The following LTV1 variants were observed in gnomAD, a reference collection of about 807,000 sequenced individuals.
The protein encoded by LTV1 is protein LTV1 homolog.
Under a neutral mutation model 59.9 loss-of-function variants are expected in LTV1, and 39 were observed. The ratio of observed to expected loss-of-function variants is 0.65; its 90% CI spans 0.50 to 0.85. The LOEUF (loss-of-function observed/expected upper bound fraction) is 0.85. Ranked by LOEUF, LTV1 falls within the 40% of genes least tolerant of loss-of-function variation. LTV1 has a pLI of 0.00. For synonymous variants in LTV1, 171 were observed against 189.5 expected (o/e 0.90, Z 0.80); for missense variants, 493 against 549.1 (o/e 0.90, Z 1.02).
chr6:143,850,341 G>C, intron 4 of LTV1, 123 bp downstream of exon 4: 1 of 671,860 alleles, frequency 1.5e-6, no homozygotes, highest in East Asian at 2.7e-5. Context: ...CTGGAATTCA[G>C]ATCAGGGATT....
Position 143,860,234 on chromosome 6 carries a change from T to TA in LTV1, c.796-189dup, listed in dbSNP as rs1387339158. Among the ~76,000 whole-genome samples the TA allele has an allele frequency of 3.3e-5, 5 of 152,228 alleles. No individual in the cohort carries two copies. The East Asian group carries it at 9.6e-4, about 29-fold the overall frequency. ...CTATTTTTAGGCTAAATGTAAGTCT[T>TA]AAAGTACTGAGCAGAAATATCTTCC... On this transcript the variant is annotated intron_variant, in intron 6 of 10. Transcript: ENST00000367576.
chr6:143,844,880 G>C (rs1776865178), intron 2 of LTV1, among the ~76,000 whole-genome samples: 1 of 152,136 alleles, frequency 6.6e-6, no homozygotes, highest in South Asian at 2.1e-4. Context: ...TAATCTATAA[G>C]TTAATTTTCA....
At position 143,857,590 on chromosome 6, in the gene LTV1, T is replaced by G; in HGVS notation, c.539+146T>G. The G allele has an allele frequency of 9.2e-7, 1 of 1,086,796 alleles. No individual in the cohort carries two copies. Among genetic ancestry groups the G allele is most frequent in the Non-Finnish European group, 1.4e-6 (1 of 738,696 alleles). The allele number at this position is 1,086,796 out of a possible 1,614,324, so 67.3% of individuals were successfully genotyped here. A position where few individuals can be genotyped will look rare whatever the true frequency, so the allele number is the denominator to read the frequency against. ...GTATTTTAGAGCAGAAAATGTGAGA[T>G]TCATTGCTTTTCCTACCAAACCAGA... is the stretch of plus-strand genomic sequence containing the variant. On this transcript the variant is annotated intron_variant, in intron 5 of 10. Transcript: ENST00000367576. The surrounding 1 kb of genome is among the most constrained non-coding windows in gnomAD (Gnocchi z 5.2).
chr6:143,852,768 A>G (rs538954159), intron 4 of LTV1, among the ~76,000 whole-genome samples: 160 of 152,152 alleles, frequency 1.1e-3, no homozygotes, highest in African/African-American at 3.7e-3. Flanking sequence ...AAGGGGTCCA[A>G]TTTCAGTTTT....
intron 6 of LTV1, among the ~76,000 whole-genome samples, chr6:143,859,820 T>C (rs1777133841): frequency 6.6e-6 from 1 of 152,072 alleles, no homozygotes; most frequent in Admixed American, 6.5e-5. Context: ...AAAATATCTT[T>C]AGTCTAGGCG....
At chr6:143,856,192 A>T (rs530490427) in intron 4 of LTV1, among the ~76,000 whole-genome samples, 5 of 152,126 alleles carry the variant, frequency 3.3e-5, no homozygotes, top group Admixed American at 6.5e-5. Flanking sequence ...TTGATCTTCA[A>T]TCGCTGATGT....
chr6:143,858,005 A>G lies in LTV1; in HGVS notation c.793A>G (p.Lys265Glu). Residue 265 changes from lysine (K) to glutamate (E), a missense_variant and splice_region_variant, in exon 6 of 11, where the codon AAG becomes GAG. Physicochemically the swap from Lys to Glu is moderately conservative, Grantham distance 56. Transcript: ENST00000367576. ...GACCCTACATGATGAGAGGTTTGAG[A>G]AGGTAAGGTCCCCACATAAGGGATG... ...QLTLHDERFE[K>E]FYEQYDDDEI... is the part of the protein sequence containing the mutation. 5 of 1,614,020 alleles carry G rather than the reference A, an allele frequency of 3.1e-6. No homozygotes were observed. The highest frequency in any genetic ancestry group is 4.2e-6 in the Non-Finnish European group (5 of 1,179,998).
chr6:143,844,386 T>C, intron 1 of LTV1, 100 bp from the exon 2 acceptor site: 2 of 1,297,696 alleles, frequency 1.5e-6, no homozygotes, highest in Non-Finnish European at 2.2e-6. Context: ...TTAAAAAGTA[T>C]CTTTAACATG....
In LTV1 at chr6:143,857,902, G is replaced by C; in HGVS notation, c.690G>C (p.Leu230Phe). 2 of 1,614,110 alleles carry C rather than the reference G, an allele frequency of 1.2e-6. No individual in the cohort carries two copies. Among genetic ancestry groups the C allele is most frequent in the East Asian group, 2.2e-5 (1 of 44,866 alleles). The change falls in exon 6 of 11, where the codon TTG (leucine) becomes TTC (phenylalanine). Residue 230 changes from leucine to phenylalanine, a missense_variant. Coordinates refer to ENST00000367576, the MANE Select transcript of LTV1 (RefSeq NM_032860.5). This position sits in a 1 kb window ranked among gnomAD's most constrained non-coding sequence, Gnocchi z 5.2. ...GKTHRAIADH[L>F]FWSEETKSRF... ...CTCACAGAGCTATAGCAGATCACTT[G>C]TTCTGGAGTGAGGAAACAAAGAGTC...
chr6:143,857,631 C>CA lies in LTV1; in HGVS notation c.540-120dup. The CA allele has an allele frequency of 8.4e-7, 1 of 1,185,990 alleles. No homozygotes were observed. The highest frequency in any genetic ancestry group is 2.0e-5 in the Admixed American group (1 of 50,300). The allele number at this position is 1,185,990 out of a possible 1,614,324, so 73.5% of individuals were successfully genotyped here. A position where few individuals can be genotyped will look rare whatever the true frequency, so the allele number is the denominator to read the frequency against. On this transcript the variant is annotated intron_variant, in intron 5 of 10. Coordinates refer to ENST00000367576, the MANE Select transcript of LTV1 (RefSeq NM_032860.5). This position sits in a 1 kb window ranked among gnomAD's most constrained non-coding sequence, Gnocchi z 5.2. ...CCAAACCAGATTGATCAAACACCCT[C>CA]ACTCTTCCTGCCTAGACAAGAACCC...
chr6:143,846,593 T>A (rs1776894941), intron 3 of LTV1, among the ~76,000 whole-genome samples: 1 of 152,238 alleles, frequency 6.6e-6, no homozygotes, highest in Non-Finnish European at 1.5e-5. Flanking sequence ...TTGTGGAATA[T>A]TCAGATCTTT....
chr6:143,856,562 C>T (rs1432739490), intron 4 of LTV1, among the ~76,000 whole-genome samples: 1 of 152,132 alleles, frequency 6.6e-6, no homozygotes, highest in African/African-American at 2.4e-5. Context: ...TTTTCCTCAT[C>T]TTCTTGGATT....
intron 4 of LTV1, 123 bp downstream of exon 4, chr6:143,850,341 G>A: frequency 1.5e-6 from 1 of 671,860 alleles, no homozygotes; most frequent in Non-Finnish European, 2.5e-6. Context: ...CTGGAATTCA[G>A]ATCAGGGATT....
rs1777059241 is a variant in LTV1 at position 143,855,428 on chromosome 6, C to A, written c.398-1875C>A. Among the ~76,000 whole-genome samples, 1 of 152,088 alleles carries A rather than the reference C, an allele frequency of 6.6e-6. No homozygotes were observed. Among genetic ancestry groups the A allele is most frequent in the African/African-American group, 2.4e-5 (1 of 41,404 alleles). On this transcript the variant is annotated intron_variant, in intron 4 of 10. Transcript: ENST00000367576. The surrounding 1 kb of genome is among the most constrained non-coding windows in gnomAD (Gnocchi z 4.6). Reference sequence around the variant, plus strand: ...GCCAATCTGTGTCTTTTAATTGGGGCTTTTATCCCATTTACATTTAAGGTT... The same window carrying A: ...GCCAATCTGTGTCTTTTAATTGGGGATTTTATCCCATTTACATTTAAGGTT...
intron 3 of LTV1, among the ~76,000 whole-genome samples, chr6:143,849,505 G>A (rs1170128749): frequency 6.6e-6 from 1 of 152,148 alleles, no homozygotes; most frequent in Non-Finnish European, 1.5e-5. Context: ...GGTAAAACAT[G>A]GTGATACCTC....
chr6:143,862,825 C>CT lies in LTV1; in HGVS notation c.1064-15dup, dbSNP rs1777189574. On this transcript the variant is annotated intron_variant, in intron 8 of 10. Transcript: ENST00000367576. The surrounding 1 kb of genome is among the most constrained non-coding windows in gnomAD (Gnocchi z 4.2). ...TGAAAACATGCTTACTGATACATGA[C>CT]TTTTATTTGTTTGTTTAGGTACATA... 6.8e-7 allele frequency: 1 copy of CT among 1,462,812 alleles called. No individual in the cohort carries two copies. The highest frequency in any genetic ancestry group is 1.4e-5 in the African/African-American group (1 of 71,606). 90.6% of individuals were successfully genotyped at this position (1,462,812 alleles called of 1,614,324 possible).
rs1483505996 is a variant in LTV1 at position 143,844,555 on chromosome 6, C to T, written c.73C>T (p.Gln25Ter). ...GTCTTTTCACTTGGTCCACCGGAGC[C>T]AACGAGATCCTTTAGCAGCAGATGA... is the stretch of plus-strand genomic sequence containing the variant. ...AVSFHLVHRS[Q>*]RDPLAADESA... The change falls in exon 2 of 11, where the codon CAA becomes TAA. Residue 25 changes from glutamine (Q) to a stop codon, truncating the protein, a stop_gained. Transcript: ENST00000367576. LOFTEE classifies it high-confidence loss of function. 2.5e-6 allele frequency: 4 copies of T among 1,613,890 alleles called. No homozygotes were observed. Among genetic ancestry groups the T allele is most frequent in the Non-Finnish European group, 3.4e-6 (4 of 1,179,984 alleles).
rs1419621122 is a variant in LTV1, at chr6:143,857,372, A to G, written c.467A>G (p.Asp156Gly). ...GATGATTTTGACTTTGATGATCCAG[A>G]TAATCTGCTTGAGGATGACTTTATT... ...LDDDFDFDDP[D>G]NLLEDDFILQ... is the part of the protein sequence containing the mutation. Residue 156 changes from aspartate (D) to glycine (G), a missense_variant, in exon 5 of 11, where the codon GAT becomes GGT. By Grantham distance (94) the Asp-to-Gly change is moderately conservative. Coordinates refer to ENST00000367576, the MANE Select transcript of LTV1 (RefSeq NM_032860.5). The surrounding 1 kb of genome is among the most constrained non-coding windows in gnomAD (Gnocchi z 5.2). 1.9e-6 allele frequency: 3 copies of G among 1,614,098 alleles called. No homozygotes were observed. The highest frequency in any genetic ancestry group is 2.2e-5 in the East Asian group (1 of 44,856).
rs367844998 is a variant in LTV1 at position 143,846,112 on chromosome 6, A to G, written c.197A>G (p.Tyr66Cys). ...RKYGVFFDDDYDYLQHLKEPS... is the reference protein window; with the variant it reads ...RKYGVFFDDDCDYLQHLKEPS... ...TATGGAGTGTTCTTTGATGACGACTATGACTACCTGCAGCACCTGAAGGAA... is the reference window on the plus strand; with the variant it reads ...TATGGAGTGTTCTTTGATGACGACTGTGACTACCTGCAGCACCTGAAGGAA... Residue 66 changes from tyrosine (Y) to cysteine (C), a missense_variant, in exon 3 of 11, where the codon TAT (tyrosine) becomes TGT (cysteine). Coordinates refer to ENST00000367576, the MANE Select transcript of LTV1 (RefSeq NM_032860.5). 1.6e-5 allele frequency: 26 copies of G among 1,614,228 alleles called. 1 individual carries two copies. Among genetic ancestry groups the G allele is most frequent in the Admixed American group, 1.0e-4 (6 of 60,036 alleles).
Sources: allele counts gnomAD v4.1 joint callset (sites outside exome capture counted in the v4.1 genomes callset), GRCh38; gene constraint gnomAD v4.1.1; non-coding constraint Gnocchi (gnomAD v3.1); transcripts MANE v1.5; gene names NCBI Gene and HGNC (gene_info 2026-07-23, HGNC 2026-07-21).